The following RAPH1 variants were observed in gnomAD, a reference collection of about 807,000 sequenced individuals.
The protein encoded by RAPH1 is ras-associated and pleckstrin homology domains-containing protein 1.
Under a neutral mutation model 88.1 loss-of-function variants are expected in RAPH1, and 18 were observed. The ratio of observed to expected loss-of-function variants is 0.20; its 90% CI spans 0.14 to 0.30. The LOEUF is 0.30. Ranked by LOEUF, RAPH1 falls within the 10% of genes least tolerant of loss-of-function variation. RAPH1 has a pLI of 1.00. For missense variants in RAPH1, 1,448 were observed against 1,543.2 expected, an observed-to-expected ratio of 0.94 and a Z score of 1.03; for synonymous variants, 587 against 559.0, an observed-to-expected ratio of 1.05 and a Z score of -0.71.
At chr2:203,492,555 T>C (rs1415952726) in intron 2 of RAPH1, among the ~76,000 whole-genome samples, 2 of 152,220 alleles carry the variant, frequency 1.3e-5, no homozygotes, top group Non-Finnish European at 2.9e-5. Context: ...GTTACACTTG[T>C]AAGTTTAAAT....
In RAPH1 at chr2:203,439,579, G is replaced by A. The variant is rs1204016896; in HGVS notation, c.3611C>T (p.Pro1204Leu). ...TATMDDMALP[P>L]PPPELLSDQQ... ...ATCAGACAGCAGTTCAGGGGGTGGT[G>A]GAGGCAATGCCATATCATCCATGGT... Residue 1204 changes from proline to leucine, a missense_variant, in exon 14 of 14, where the codon CCA (proline) becomes CTA (leucine). Around this residue, in one of 2 missense-constraint regions of RAPH1, gnomAD observed 935 missense variants for 890.1 expected, o/e 1.05. Transcript: ENST00000319170. 1.2e-6 allele frequency: 2 copies of A among 1,614,006 alleles called. No homozygotes were observed. Among genetic ancestry groups the A allele is most frequent in the Non-Finnish European group, 1.7e-6 (2 of 1,180,030 alleles).
At position 203,489,939 on chromosome 2, in the gene RAPH1, T is replaced by G. The variant is rs1254674919; in HGVS notation, c.377A>C (p.His126Pro). The G allele has an allele frequency of 6.2e-7, 1 of 1,614,236 alleles. No individual in the cohort carries two copies. The highest frequency in any genetic ancestry group is 1.3e-5 in the African/African-American group (1 of 75,062). Residue 126 changes from histidine (H) to proline (P), a missense_variant, in exon 4 of 14, where the codon CAT becomes CCT. Transcript: ENST00000319170. ...TTTCAAGGTGCCATGTTTCAATGTA[T>G]GTCGGCTAACAGGCAATTTCTGAGT... is the stretch of plus-strand genomic sequence containing the variant. ...KATQKLPVSR[H>P]TLKHGTLKGL...
At chr2:203,446,056 GCTA>G (rs2098509270) in intron 12 of RAPH1, 1 of 152,102 alleles carries the variant, frequency 6.6e-6, no homozygotes, top group Admixed American at 6.5e-5. Context: ...GAAATGTCCT[GCTA>G]CTATTAACTA....
At chr2:203,512,632 T>C (rs557538347) in intron 1 of RAPH1, among the ~76,000 whole-genome samples, 5 of 149,082 alleles carry the variant, frequency 3.4e-5, no homozygotes, top group Non-Finnish European at 7.4e-5. Context: ...TTTTTTTTTT[T>C]TTTTTTTTGA....
At chr2:203,504,705 T>C (rs1688901650) in intron 1 of RAPH1, among the ~76,000 whole-genome samples, 1 of 152,020 alleles carries the variant, frequency 6.6e-6, no homozygotes, top group African/African-American at 2.4e-5. Context: ...TTCTACTGCA[T>C]CATCAGGCAG....
Position 203,440,433 on chromosome 2 carries a change from GGGA to G in RAPH1, c.2754_2756del (p.Pro921del), listed in dbSNP as rs1261009185. On this transcript the variant is annotated inframe_deletion, in exon 14 of 14. Transcript: ENST00000319170. ...GAAACACCAGGCTGCTTTCAGGAGG[GGGA>G]GGAGGGAAGTCCGGAGAAGGGACTG... 6.5e-7 allele frequency: 1 copy of G among 1,548,062 alleles called. No individual in the cohort carries two copies. Among genetic ancestry groups the G allele is most frequent in the Non-Finnish European group, 8.7e-7 (1 of 1,148,700 alleles).
intron 4 of RAPH1, among the ~76,000 whole-genome samples, chr2:203,477,361 G>A (rs985385948): frequency 5.9e-5 from 9 of 152,164 alleles, no homozygotes; most frequent in Non-Finnish European, 1.3e-4. Context: ...CCTAACCCTT[G>A]ATAATTTAAG....
chr2:203,500,754 A>C (rs1262818317), intron 1 of RAPH1, among the ~76,000 whole-genome samples: 1 of 152,230 alleles, frequency 6.6e-6, no homozygotes. Context: ...AATTTGGTTA[A>C]AGGTAAATGT....
chr2:203,443,363 T>C (rs752974505), intron 13 of RAPH1: 21 of 152,230 alleles, frequency 1.4e-4, no homozygotes, highest in South Asian at 4.2e-4. Flanking sequence ...CTCTTGCATA[T>C]TGAAATGGTG....
intron 2 of RAPH1, among the ~76,000 whole-genome samples, chr2:203,492,989 AG>A (rs1688340326): frequency 6.6e-6 from 1 of 152,252 alleles, no homozygotes; most frequent in Non-Finnish European, 1.5e-5. Flanking sequence ...CATACCACTG[AG>A]TACGTGATAC....
chr2:203,491,190 A>G, intron 3 of RAPH1, 24 bp downstream of exon 3: 2 of 1,501,812 alleles, frequency 1.3e-6, no homozygotes, highest in Non-Finnish European at 1.9e-6. Flanking sequence ...ACTATTTTAC[A>G]TTTTATTTCC....
intron 4 of RAPH1, among the ~76,000 whole-genome samples, chr2:203,475,793 C>T (rs1311533308): frequency 6.6e-6 from 1 of 150,392 alleles, no homozygotes; most frequent in Non-Finnish European, 1.5e-5. Context: ...TCTCTTAAAC[C>T]CAAAGTTCTT....
intron 4 of RAPH1, among the ~76,000 whole-genome samples, chr2:203,481,159 A>G (rs530695562): frequency 4.7e-4 from 72 of 152,216 alleles, no homozygotes; most frequent in African/African-American, 1.7e-3. Context: ...TCTCCTGCCC[A>G]TGTAGTTAGT....
At chr2:203,495,510 GAC>G (rs1368019848) in intron 1 of RAPH1, among the ~76,000 whole-genome samples, 157 bp from the exon 2 acceptor site, 2 of 152,138 alleles carry the variant, frequency 1.3e-5, no homozygotes, top group African/African-American at 4.8e-5. Context: ...CATTAATGGA[GAC>G]AGTGTTCACA....
chr2:203,504,177 G>A (rs1236954890), intron 1 of RAPH1, among the ~76,000 whole-genome samples: 3 of 152,228 alleles, frequency 2.0e-5, no homozygotes, highest in Admixed American at 6.5e-5. Flanking sequence ...TGGGGACTCT[G>A]TGTGGGGGCC....
At chr2:203,504,000 C>T (rs536078682) in intron 1 of RAPH1, among the ~76,000 whole-genome samples, 1 of 152,288 alleles carries the variant, frequency 6.6e-6, no homozygotes, top group South Asian at 2.1e-4. Context: ...GCAGCTCTGC[C>T]CCTGTGGCTT....
At position 203,489,732 on chromosome 2, in the gene RAPH1, G is replaced by A; in HGVS notation, c.584C>T (p.Thr195Ile). Residue 195 changes from threonine (T) to isoleucine (I), a missense_variant, in exon 4 of 14, where the codon ACA (threonine) becomes ATA (isoleucine). Thr to Ile is a moderately conservative substitution (Grantham distance 89, BLOSUM62 -1). This residue lies in a region of RAPH1 where 513 missense variants were observed against 653.1 expected (regional missense o/e 0.79). Transcript: ENST00000319170. ...NQHRRTASAG[T>I]VSDAEVHSIS... ...AGAGTGTACTTCAGCATCACTCACT[G>A]TGCCTGCTGACGCGGTTCTTCTGTG... is the stretch of plus-strand genomic sequence containing the variant. 2 of 1,614,154 alleles carry A rather than the reference G, an allele frequency of 1.2e-6. No homozygotes were observed. Among genetic ancestry groups the A allele is most frequent in the Non-Finnish European group, 8.5e-7 (1 of 1,180,024 alleles).
At position 203,510,201 on chromosome 2, in the gene RAPH1, C is replaced by T. The variant is rs964400410; in HGVS notation, c.1-14848G>A. 2.6e-5 allele frequency among the ~76,000 whole-genome samples: 4 copies of T among 151,664 alleles called. No individual in the cohort carries two copies. In the East Asian group the frequency reaches 5.8e-4, roughly 22 times the overall value. On this transcript the variant is annotated intron_variant, in intron 1 of 13. Transcript: ENST00000319170. ...TGATAAAAGATACATTTAATACTGT[C>T]GGCGCCTGCCTGTAATCCCAGCTGC...
At position 203,440,027 on chromosome 2, in the gene RAPH1, C is replaced by A; in HGVS notation, c.3163G>T (p.Gly1055Trp). ...CVSAKAPVLS[G>W]RGKDSVVEFP... ...TCCACCACGGAGTCCTTTCCACGCC[C>A]ACTCAGAACAGGGGCTTTTGCTGAC... Residue 1055 changes from glycine to tryptophan, a missense_variant, in exon 14 of 14, where the codon GGG becomes TGG. By Grantham distance (184) the Gly-to-Trp change is radical. Around this residue, in one of 2 missense-constraint regions of RAPH1, gnomAD observed 935 missense variants for 890.1 expected, o/e 1.05. Coordinates refer to ENST00000319170, the MANE Select transcript of RAPH1 (RefSeq NM_213589.3). The A allele has an allele frequency of 6.2e-7, 1 of 1,613,648 alleles. No homozygotes were observed. Among genetic ancestry groups the A allele is most frequent in the Non-Finnish European group, 8.5e-7 (1 of 1,179,974 alleles).
Sources: allele counts gnomAD v4.1 joint callset (sites outside exome capture counted in the v4.1 genomes callset), GRCh38; gene constraint gnomAD v4.1.1; regional missense constraint gnomAD v4.1.1; transcripts MANE v1.5; gene names NCBI Gene and HGNC (gene_info 2026-07-23, HGNC 2026-07-21).